The following LRRTM4 variants were observed in gnomAD, a reference collection of about 807,000 sequenced individuals.
LRRTM4 encodes the protein leucine rich repeat transmembrane neuronal 4, also known as leucine-rich repeat transmembrane neuronal protein 4.
LRRTM4 carries 25 observed loss-of-function variants against 47.6 expected under a neutral mutation model. The ratio of observed to expected loss-of-function variants is 0.53; its 90% CI spans 0.38 to 0.73. The LOEUF is 0.73. LRRTM4 is among the 30% of genes least tolerant of loss of function. The probability of loss-of-function intolerance (pLI) is 0.00; values close to 1 mark genes in which losing one functional copy is unlikely to be tolerated. For synonymous variants in LRRTM4, 311 were observed against 269.5 expected (o/e 1.15, Z -1.51); for missense variants, 638 against 713.4 (o/e 0.89, Z 1.20).
At chr2:77,049,385 A>G (rs1421147837) in intron 3 of LRRTM4, among the ~76,000 whole-genome samples, 2 of 151,626 alleles carry the variant, frequency 1.3e-5, no homozygotes, top group Non-Finnish European at 1.5e-5. Flanking sequence ...ACTGCTTTCT[A>G]TAATGGCTGT....
chr2:76,860,220 C>G (rs1672272964), intron 3 of LRRTM4, among the ~76,000 whole-genome samples: 1 of 152,092 alleles, frequency 6.6e-6, no homozygotes, highest in African/African-American at 2.4e-5. Context: ...TACTATGGAT[C>G]TCATGATTTG....
chr2:76,915,613 G>T (rs539820380), intron 3 of LRRTM4, among the ~76,000 whole-genome samples: 2 of 152,008 alleles, frequency 1.3e-5, no homozygotes, highest in East Asian at 3.9e-4. Context: ...CTTTTACCAA[G>T]ACACAAAAGA....
chr2:77,198,543 A>T (rs952626953), intron 3 of LRRTM4, among the ~76,000 whole-genome samples: 1 of 152,192 alleles, frequency 6.6e-6, no homozygotes, highest in African/African-American at 2.4e-5. Flanking sequence ...TTGTGATTCC[A>T]TCAATTGAAG....
At chr2:77,025,073 C>T (rs990069589) in intron 3 of LRRTM4, among the ~76,000 whole-genome samples, 1 of 151,954 alleles carries the variant, frequency 6.6e-6, no homozygotes, top group African/African-American at 2.4e-5. Context: ...AAAATCAGTA[C>T]GTTCATAATT....
chr2:76,807,487 CATATAT>C (rs1169217695), intron 3 of LRRTM4, among the ~76,000 whole-genome samples: 1 of 92,402 alleles, frequency 1.1e-5, no homozygotes, highest in African/African-American at 5.2e-5. Context: ...TATATATATA[CATATAT>C]ATATATATAG....
intron 3 of LRRTM4, among the ~76,000 whole-genome samples, chr2:77,129,619 T>A (rs1422039314): frequency 6.6e-6 from 1 of 152,192 alleles, no homozygotes; most frequent in Non-Finnish European, 1.5e-5. Context: ...GATATTTGCC[T>A]CTACTTTACA....
chr2:77,512,955 T>G (rs1679075608), intron 3 of LRRTM4, among the ~76,000 whole-genome samples: 1 of 152,194 alleles, frequency 6.6e-6, no homozygotes, highest in Non-Finnish European at 1.5e-5. Flanking sequence ...ATGTCGGTCT[T>G]TTTTTGGCAG....
At chr2:77,001,022 A>G (rs139738742) in intron 3 of LRRTM4, among the ~76,000 whole-genome samples, 5 of 152,262 alleles carry the variant, frequency 3.3e-5, no homozygotes, top group African/African-American at 1.2e-4. Flanking sequence ...CCTGACACAC[A>G]AATAAAATAT....
intron 3 of LRRTM4, among the ~76,000 whole-genome samples, chr2:76,938,104 T>A (rs1675019665): frequency 6.6e-6 from 1 of 152,120 alleles, no homozygotes; most frequent in Non-Finnish European, 1.5e-5. Flanking sequence ...TATAAAATAC[T>A]TTCTGATGAA....
chr2:76,864,428 C>T (rs756328877), intron 3 of LRRTM4, among the ~76,000 whole-genome samples: 12 of 152,034 alleles, frequency 7.9e-5, no homozygotes, highest in Admixed American at 5.9e-4. Flanking sequence ...GAGGCCTAGG[C>T]GGGCGGATCA....
At chr2:77,263,625 TA>T (rs1405599857) in intron 3 of LRRTM4, among the ~76,000 whole-genome samples, 2 of 152,152 alleles carry the variant, frequency 1.3e-5, no homozygotes, top group Non-Finnish European at 2.9e-5. Context: ...AGTAAAGTGT[TA>T]AGTGAGTGTT....
chr2:77,244,930 G>A (rs1188700057), intron 3 of LRRTM4, among the ~76,000 whole-genome samples: 1 of 152,090 alleles, frequency 6.6e-6, no homozygotes, highest in Non-Finnish European at 1.5e-5. Flanking sequence ...TCCTGGTAGA[G>A]CCTTGATACG....
intron 3 of LRRTM4, among the ~76,000 whole-genome samples, chr2:76,823,655 C>A (rs903765024): frequency 6.6e-6 from 1 of 151,160 alleles, no homozygotes; most frequent in Non-Finnish European, 1.5e-5. Context: ...AGTGTTCTTC[C>A]GTTCATTGAG....
chr2:77,031,902 T>G (rs964247218), intron 3 of LRRTM4, among the ~76,000 whole-genome samples: 4 of 152,136 alleles, frequency 2.6e-5, no homozygotes, highest in Admixed American at 1.3e-4. Context: ...TCCATAGCAG[T>G]TCAGCATCTC....
At chr2:77,205,990 C>G (rs1181031726) in intron 3 of LRRTM4, among the ~76,000 whole-genome samples, 1 of 151,706 alleles carries the variant, frequency 6.6e-6, no homozygotes, top group Non-Finnish European at 1.5e-5. Context: ...CATGCACCAC[C>G]ACCCCTGGCA....
At chr2:77,042,912 C>G (rs997892468) in intron 3 of LRRTM4, among the ~76,000 whole-genome samples, 1 of 151,562 alleles carries the variant, frequency 6.6e-6, no homozygotes, top group Non-Finnish European at 1.5e-5. Context: ...TTCTGTGCCA[C>G]ACAAAGGGAT....
chr2:77,047,850 C>CT (rs1679285852), intron 3 of LRRTM4, among the ~76,000 whole-genome samples: 1 of 152,020 alleles, frequency 6.6e-6, no homozygotes, highest in Admixed American at 6.6e-5. Flanking sequence ...GGTTTATGAA[C>CT]TTCAGCATTA....
At chr2:77,252,140 A>G (rs1334597176) in intron 3 of LRRTM4, among the ~76,000 whole-genome samples, 1 of 152,162 alleles carries the variant, frequency 6.6e-6, no homozygotes, top group Non-Finnish European at 1.5e-5. Context: ...AAATGTGTGA[A>G]GCAGATTGCA....
chr2:76,755,782 G>A (rs1161160672), intron 3 of LRRTM4, among the ~76,000 whole-genome samples: 1 of 151,930 alleles, frequency 6.6e-6, no homozygotes. Context: ...GGAAAGCAAG[G>A]GCATATCTGA....
Sources: gnomAD v4.1 joint callset for allele counts (sites outside exome capture counted in the v4.1 genomes callset) on GRCh38, gnomAD v4.1.1 for gene constraint, MANE v1.5 for transcripts, NCBI Gene and HGNC (gene_info 2026-07-23, HGNC 2026-07-21) for gene names.